ZNF831: variants seen among roughly 807,000 people sequenced by gnomAD.
The protein encoded by ZNF831 is chromosome 20 open reading frame 174.
ZNF831 carries 59 observed loss-of-function variants against 95.8 expected under a neutral mutation model. The observed-to-expected ratio is 0.62, with a 90% confidence interval of 0.50 to 0.77. The LOEUF (loss-of-function observed/expected upper bound fraction) is 0.77. Ranked by LOEUF, ZNF831 falls within the 30% of genes least tolerant of loss-of-function variation. The pLI, the probability that ZNF831 is intolerant of heterozygous loss-of-function variation, is 0.00. For synonymous variants in ZNF831, 961 were observed against 925.5 expected, an observed-to-expected ratio of 1.04 and a Z score of -0.70; for missense variants, 2,205 against 2,164.0, an observed-to-expected ratio of 1.02 and a Z score of -0.38.
At position 59,184,603 on chromosome 20, in the gene ZNF831, C is replaced by T. The variant is rs112019500; in HGVS notation, c.-36-6381C>T. On this transcript the variant is annotated intron_variant, in intron 1 of 5. Coordinates refer to ENST00000371030, the MANE Select transcript of ZNF831 (RefSeq NM_178457.3). ...AGTAACAGCGTAAGTGGTCCCCATA[C>T]GTGGCGGAGTGGGTGATGGTGGTCC... Among the ~76,000 whole-genome samples, 319 of 152,268 alleles carry T rather than the reference C, an allele frequency of 2.1e-3. 2 individuals carry two copies. Among genetic ancestry groups the T allele is most frequent in the African/African-American group, 6.0e-3 (248 of 41,550 alleles).
rs1478378456 is a variant in ZNF831 at position 59,258,199 on chromosome 20, GTC to G, written c.*3460_*3461del. On this transcript the variant is annotated 3_prime_UTR_variant, in exon 6 of 6. Transcript: ENST00000371030. ...ATTAAAAAAAAAGATGGAGGAGGGT[GTC>G]TCTGAATTTTAATGGAAACACTGCC... The G allele has an allele frequency of 6.6e-6, 1 of 152,172 alleles. No individual in the cohort carries two copies. Among genetic ancestry groups the G allele is most frequent in the Non-Finnish European group, 1.5e-5 (1 of 68,026 alleles). 9.4% of individuals were successfully genotyped at this position (152,172 alleles called of 1,614,324 possible). A position where few individuals can be genotyped will look rare whatever the true frequency, so the allele number is the denominator to read the frequency against.
rs142943216 is a variant in ZNF831 at position 59,235,027 on chromosome 20, G to A, written c.4028-17951G>A. On this transcript the variant is annotated intron_variant, in intron 4 of 5. Coordinates refer to ENST00000371030, the MANE Select transcript of ZNF831 (RefSeq NM_178457.3). ...TCCCGCATGACATTTTGTCATCGTG[G>A]CTCCTAAGGCTCCTCTCAGCCCCGG... Among the ~76,000 whole-genome samples the A allele has an allele frequency of 2.0e-3, 302 of 152,148 alleles. 1 individual carries two copies. Among genetic ancestry groups the A allele is most frequent in the African/African-American group, 6.9e-3 (288 of 41,494 alleles).
chr20:59,132,016 G>A (rs1415073811), intron 1 of ZNF831, among the ~76,000 whole-genome samples: 1 of 152,222 alleles, frequency 6.6e-6, no homozygotes, highest in East Asian at 1.9e-4. Context: ...TCTCCACATA[G>A]GGGTAACATT....
chr20:59,206,143 C>T, intron 3 of ZNF831, among the ~76,000 whole-genome samples: 1 of 151,950 alleles, frequency 6.6e-6, no homozygotes. Context: ...TGGTAGGGCT[C>T]CTCCAGATGG....
chr20:59,220,797 TTCTC>T (rs149161359), intron 4 of ZNF831, among the ~76,000 whole-genome samples: 1,672 of 152,290 alleles, frequency 0.011, 27 homozygotes, highest in African/African-American at 0.038. Context: ...ACGTTTCCCT[TTCTC>T]TCTCAGCCTC....
chr20:59,213,676 C>T (rs937116209), intron 4 of ZNF831, among the ~76,000 whole-genome samples: 1 of 152,108 alleles, frequency 6.6e-6, no homozygotes, highest in Non-Finnish European at 1.5e-5. Flanking sequence ...TGAACAAGAG[C>T]GAGCATGCCA....
At chr20:59,211,779 TTGTGTGTGTGTGTGTGTG>T (rs11472424) in intron 4 of ZNF831, among the ~76,000 whole-genome samples, 2 of 146,694 alleles carry the variant, frequency 1.4e-5, no homozygotes, top group South Asian at 4.4e-4. Context: ...GGAGCTGACC[TTGTGTGTGTGTGTGTGTG>T]TGTGTGTGTG....
chr20:59,159,681 T>C (rs150834847), upstream of ZNF831: 3 of 152,246 alleles, frequency 2.0e-5, no homozygotes, highest in East Asian at 5.8e-4. Flanking sequence ...CTTCTGACAA[T>C]GGAGAGAGCA....
chr20:59,245,866 C>T (rs892442938), intron 4 of ZNF831, among the ~76,000 whole-genome samples: 2 of 152,148 alleles, frequency 1.3e-5, no homozygotes, highest in East Asian at 1.9e-4. Context: ...GATCAAAACA[C>T]GTTCATCTCA....
rs1979500689 is a variant in ZNF831, at chr20:59,136,067, GT to G, written c.-1424-10163del. On this transcript the variant is annotated intron_variant, in intron 1 of 7. Transcript: ENST00000637017. ...GCTTGTCATCAGAATTGAATTCCAC[GT>G]GGTTGGGGGACTGAGGTCCCTGTTT... 7.2e-5 allele frequency among the ~76,000 whole-genome samples: 11 copies of G among 152,292 alleles called. No individual in the cohort carries two copies. In the South Asian group the frequency reaches 2.3e-3, roughly 32 times the overall value.
intron 3 of ZNF831, among the ~76,000 whole-genome samples, chr20:59,202,741 C>T (rs1440199202): frequency 1.3e-5 from 2 of 152,120 alleles, no homozygotes; most frequent in Non-Finnish European, 2.9e-5. Context: ...AGTCCTGTAC[C>T]CTCAGCTGCA....
intron 4 of ZNF831, among the ~76,000 whole-genome samples, chr20:59,235,674 A>G (rs112019793): frequency 6.8e-4 from 104 of 152,276 alleles, no homozygotes; most frequent in African/African-American, 2.2e-3. Context: ...GAGAGGTGCT[A>G]CCTATAAAAA....
chr20:59,170,314 C>T (rs1278704328), intron 1 of ZNF831, among the ~76,000 whole-genome samples: 2 of 152,066 alleles, frequency 1.3e-5, no homozygotes, highest in Non-Finnish European at 2.9e-5. Flanking sequence ...AGCTATGTGC[C>T]ACAAATTTTG....
intron 3 of ZNF831, among the ~76,000 whole-genome samples, chr20:59,199,287 C>T (rs1197649217): frequency 1.3e-5 from 2 of 151,918 alleles, no homozygotes; most frequent in Non-Finnish European, 2.9e-5. Context: ...TGATACAGTT[C>T]TCTTCTAAGT....
chr20:59,149,426 C>T (rs529596782), intron 2 of ZNF831, among the ~76,000 whole-genome samples: 4 of 152,286 alleles, frequency 2.6e-5, no homozygotes, highest in South Asian at 2.1e-4. Context: ...ATGTGGTTGG[C>T]GCCTTCCCCA....
At chr20:59,231,330 AG>A (rs1600662626) in intron 4 of ZNF831, among the ~76,000 whole-genome samples, 1 of 152,346 alleles carries the variant, frequency 6.6e-6, no homozygotes, top group East Asian at 1.9e-4. Context: ...GATCTAGATA[AG>A]GTGAAAGTCC....
chr20:59,141,010 C>T (rs987181495), intron 1 of ZNF831, among the ~76,000 whole-genome samples: 1 of 152,218 alleles, frequency 6.6e-6, no homozygotes. Context: ...AGCAATTCTT[C>T]TGCCTCAGCC....
chr20:59,251,476 T>C (rs1399417152), intron 4 of ZNF831, among the ~76,000 whole-genome samples: 3 of 152,192 alleles, frequency 2.0e-5, no homozygotes, highest in Non-Finnish European at 4.4e-5. Flanking sequence ...AAGCTGCCAA[T>C]GACATCTAAA....
chr20:59,125,669 G>A (rs941866851), intron 1 of ZNF831, among the ~76,000 whole-genome samples: 1 of 152,172 alleles, frequency 6.6e-6, no homozygotes, highest in Admixed American at 6.5e-5. Context: ...AAGGAATTGG[G>A]GAAAAGCTCA....
Sources: allele counts gnomAD v4.1 joint callset (sites outside exome capture counted in the v4.1 genomes callset), GRCh38; gene constraint gnomAD v4.1.1; transcripts MANE v1.5; gene names NCBI Gene and HGNC (gene_info 2026-07-23, HGNC 2026-07-21).